FBN3: variants seen among roughly 807,000 people sequenced by gnomAD.
FBN3 encodes the protein fibrillin-3.
Under a neutral mutation model 330.1 loss-of-function variants are expected in FBN3, and 234 were observed. The ratio of observed to expected loss-of-function variants is 0.71; its 90% CI spans 0.64 to 0.79. The LOEUF (loss-of-function observed/expected upper bound fraction) is 0.79. Ranked by LOEUF, FBN3 falls within the 30% of genes least tolerant of loss-of-function variation. The pLI is 0.00. For synonymous variants in FBN3, 1,458 were observed against 1,517.3 expected (o/e 0.96, Z 0.91); for missense variants, 3,606 against 3,886.9 (o/e 0.93, Z 1.92).
intron 63 of FBN3, among the ~76,000 whole-genome samples, chr19:8,071,022 CAA>C (rs34381445): frequency 1.5e-3 from 145 of 96,030 alleles, no homozygotes; most frequent in East Asian, 2.1e-3. Flanking sequence ...GACTCTGTCT[CAA>C]AAAAAAAAAA....
At position 8,147,103 on chromosome 19, in the gene FBN3, C is replaced by T. The variant is rs771459254; in HGVS notation, c.250+1G>A. 6.4e-7 allele frequency: 1 copy of T among 1,557,618 alleles called. No individual in the cohort carries two copies. The highest frequency in any genetic ancestry group is 8.7e-7 in the Non-Finnish European group (1 of 1,153,810). On this transcript the variant is annotated splice_donor_variant, in intron 3 of 63. Coordinates refer to ENST00000600128, the MANE Select transcript of FBN3 (RefSeq NM_032447.5). LOFTEE classifies it high-confidence loss of function. ...CACCTCCAGACGGCGGTAGCACTCA[C>T]GTACGACACACTGGCTCCTGCCAGG...
intron 40 of FBN3, 69 bp from the exon 41 acceptor site, chr19:8,101,041 G>C (rs1690431121): frequency 6.1e-6 from 8 of 1,311,760 alleles, no homozygotes; most frequent in African/African-American, 1.5e-5. Flanking sequence ...CAATCTGGAG[G>C]GGACACCTCA....
chr19:8,133,570 C>CCT (rs1395877010), intron 13 of FBN3, among the ~76,000 whole-genome samples: 10 of 152,066 alleles, frequency 6.6e-5, no homozygotes, highest in African/African-American at 2.4e-4. Context: ...CCTGCTTCAG[C>CCT]CTCCTGAGTA....
At chr19:8,124,669 C>T (rs1434350133) in intron 22 of FBN3, among the ~76,000 whole-genome samples, 1 of 152,096 alleles carries the variant, frequency 6.6e-6, no homozygotes, top group Non-Finnish European at 1.5e-5. Context: ...TCCCGAGTAG[C>T]TGGGATTACA....
chr19:8,073,347 C>T lies in FBN3; in HGVS notation c.7703-50G>A, dbSNP rs757602172. 3 of 1,450,574 alleles carry T rather than the reference C, an allele frequency of 2.1e-6. No individual in the cohort carries two copies. In the East Asian group the frequency reaches 6.9e-5, roughly 33 times the overall value. The allele number at this position is 1,450,574 out of a possible 1,614,324, so 89.9% of individuals were successfully genotyped here. Reference sequence around the variant, plus strand: ...GGGAGGACGCAGAGGTGGGGCAGTGCAGCCTTCACACCCCCAGAGCCCTCC... The same window carrying T: ...GGGAGGACGCAGAGGTGGGGCAGTGTAGCCTTCACACCCCCAGAGCCCTCC... On this transcript the variant is annotated intron_variant, in intron 61 of 63. Transcript: ENST00000600128.
At chr19:8,071,603 A>T (rs2081512436) in intron 63 of FBN3, among the ~76,000 whole-genome samples, 1 of 151,044 alleles carries the variant, frequency 6.6e-6, no homozygotes, top group South Asian at 2.1e-4. Context: ...TACAAAGGCC[A>T]CTTAGGGCCC....
At position 8,083,346 on chromosome 19, in the gene FBN3, G is replaced by A. The variant is rs1018500145; in HGVS notation, c.7114C>T (p.His2372Tyr). ...RDVDECRMLA[H>Y]LCAHGECINS... ...ATGCACTCCCCATGAGCACACAGGT[G>A]AGCAAGCATACGGCATTCATCTACA... The change falls in exon 57 of 64, where the codon CAC becomes TAC. Residue 2372 changes from histidine to tyrosine, a missense_variant. Transcript: ENST00000600128. 5.0e-6 allele frequency: 8 copies of A among 1,613,976 alleles called. No homozygotes were observed. The African/African-American group carries it at 8.0e-5, about 16-fold the overall frequency.
rs1349192322 is a variant in FBN3, at chr19:8,149,046, A to G, written c.-18+403T>C. 6.6e-6 allele frequency among the ~76,000 whole-genome samples: 1 copy of G among 152,194 alleles called. No individual in the cohort carries two copies. The highest frequency in any genetic ancestry group is 1.9e-4 in the East Asian group (1 of 5,176). On this transcript the variant is annotated intron_variant, in intron 1 of 63. Transcript: ENST00000600128. This position sits in a 1 kb window ranked among gnomAD's most constrained non-coding sequence, Gnocchi z 5.5. ...CCACACCCTGGAGTTTGTGGAATGAATGAGCAGAGAAGGCGCGCCCGGCAC... is the reference window on the plus strand; with the variant it reads ...CCACACCCTGGAGTTTGTGGAATGAGTGAGCAGAGAAGGCGCGCCCGGCAC...
At position 8,145,925 on chromosome 19, in the gene FBN3, A is replaced by C; in HGVS notation, c.363T>G (p.Ser121Arg). 2 of 1,551,150 alleles carry C rather than the reference A, an allele frequency of 1.3e-6. No individual in the cohort carries two copies. Among genetic ancestry groups the C allele is most frequent in the Non-Finnish European group, 1.7e-6 (2 of 1,146,904 alleles). ...AGGTGCCCCCATTCATACAGCTCAC[A>C]CTGCACCCTGACCCTGGGGACAGGA... ...SCGVSRGSGC[S>R]VSCMNGGTCR... Residue 121 changes from serine (S) to arginine (R), a missense_variant, in exon 5 of 64, where the codon AGT (serine) becomes AGG (arginine). Transcript: ENST00000600128.
intron 39 of FBN3, 136 bp downstream of exon 39, chr19:8,103,426 T>G: frequency 1.1e-6 from 1 of 893,868 alleles, no homozygotes; most frequent in African/African-American, 1.7e-5. Flanking sequence ...TCCTGCAGCT[T>G]TGTTTACTGC....
chr19:8,114,411 A>G lies in FBN3; in HGVS notation c.3838+1104T>C, dbSNP rs2082661991. Among the ~76,000 whole-genome samples, 4 of 151,800 alleles carry G rather than the reference A, an allele frequency of 2.6e-5. No homozygotes were observed. In the South Asian group the frequency reaches 8.3e-4, roughly 32 times the overall value. The stretch of plus-strand genomic sequence containing the variant: ...ATTACAGGCGTGCGCCACCACGCCC[A>G]GCTAATTTTGTATTTTTAGTAGTGA... On this transcript the variant is annotated intron_variant, in intron 30 of 63. Coordinates refer to ENST00000600128, the MANE Select transcript of FBN3 (RefSeq NM_032447.5).
chr19:8,065,555 GCC>G lies in FBN3; in HGVS notation c.*362_*363del. On this transcript the variant is annotated 3_prime_UTR_variant, in exon 64 of 64. Transcript: ENST00000600128. ...CCTGTGCCCACCCCAGTTGCCCATT[GCC>G]ATGTCCTGCCAACCCCCTGCCCCCC... 4.1e-6 allele frequency: 1 copy of G among 242,408 alleles called. No homozygotes were observed. Among genetic ancestry groups the G allele is most frequent in the Non-Finnish European group, 7.9e-6 (1 of 127,130 alleles). 15.0% of individuals were successfully genotyped at this position (242,408 alleles called of 1,614,324 possible).
Position 8,136,480 on chromosome 19 carries a change from A to T in FBN3, c.1253T>A (p.Leu418Gln). 6.2e-7 allele frequency: 1 copy of T among 1,614,142 alleles called. No homozygotes were observed. The highest frequency in any genetic ancestry group is 8.5e-7 in the Non-Finnish European group (1 of 1,180,004). ...GGGCAGGCAGCGGCCATTCAGACAC[A>T]GGTTGGTGAAGTGTCGGCAGATGTC... ...TIDICRHFTN[L>Q]CLNGRCLPTP... The change falls in exon 11 of 64, where the codon CTG becomes CAG. Residue 418 changes from leucine to glutamine, a missense_variant. Transcript: ENST00000600128.
At chr19:8,089,425 G>C (rs1599309989) in intron 51 of FBN3, 120 bp downstream of exon 51, 4 of 1,048,794 alleles carry the variant, frequency 3.8e-6, no homozygotes, top group East Asian at 2.5e-5. Flanking sequence ...ATGGGGGAGA[G>C]AGGCAGTGGT....
intron 38 of FBN3, 111 bp from the exon 39 acceptor site, chr19:8,103,798 T>C (rs2082381064): frequency 9.3e-7 from 1 of 1,073,296 alleles, no homozygotes; most frequent in African/African-American, 1.6e-5. Context: ...CTAAGTTTGG[T>C]TTCAAAATCA....
chr19:8,113,922 T>C (rs959161524), intron 30 of FBN3, among the ~76,000 whole-genome samples: 2 of 146,784 alleles, frequency 1.4e-5, no homozygotes, highest in East Asian at 4.0e-4. Context: ...CCTGGAGAGG[T>C]GGAGGCTGCA....
Position 8,073,158 on chromosome 19 carries a change from G to A in FBN3, c.7842C>T (p.Cys2614=), listed in dbSNP as rs116210236. ...AGCTACAGGGGCCACGCCGTCCGGC[G>A]CACTCATCCACCTCCTGGCAGCCCC... ...ALGGCQEVDE[C]AGRRGPCSYS... is the part of the protein sequence containing the mutation. Residue 2614 remains cysteine, a synonymous_variant, in exon 62 of 64, where the codon TGC becomes TGT. Transcript: ENST00000600128. The A allele has an allele frequency of 4.1e-4, 655 of 1,613,864 alleles. 3 individuals carry two copies. In the African/African-American group the frequency reaches 7.2e-3, roughly 18 times the overall value.
intron 56 of FBN3, among the ~76,000 whole-genome samples, chr19:8,084,786 C>T (rs80249946): frequency 4.0e-5 from 6 of 151,806 alleles, no homozygotes; most frequent in African/African-American, 1.5e-4. Flanking sequence ...TGAGGTTTCA[C>T]CATGTTGACC....
At chr19:8,066,330 C>A in intron 63 of FBN3, 70 bp from the exon 64 acceptor site, 1 of 1,145,584 alleles carries the variant, frequency 8.7e-7, no homozygotes, top group Non-Finnish European at 1.2e-6. Context: ...AGGGGGTCCT[C>A]GGATTGTGGC....
Sources: gnomAD v4.1 joint callset for allele counts (sites outside exome capture counted in the v4.1 genomes callset) on GRCh38, gnomAD v4.1.1 for gene constraint, Gnocchi (gnomAD v3.1) non-coding constraint, MANE v1.5 for transcripts, NCBI Gene and HGNC (gene_info 2026-07-23, HGNC 2026-07-21) for gene names.